The following RIMS1 variants were observed in gnomAD, a reference collection of about 807,000 sequenced individuals.
The protein encoded by RIMS1 is regulating synaptic membrane exocytosis 1.
Under a neutral mutation model 214.1 loss-of-function variants are expected in RIMS1, and 83 were observed. The ratio of observed to expected loss-of-function variants is 0.39; its 90% CI spans 0.32 to 0.47. The LOEUF (loss-of-function observed/expected upper bound fraction) is 0.47, where lower values mean the gene tolerates loss of function less well. RIMS1 is among the 20% of genes least tolerant of loss of function. The pLI, the probability that RIMS1 is intolerant of heterozygous loss-of-function variation, is 0.99. For synonymous variants in RIMS1, 793 were observed against 786.8 expected, an observed-to-expected ratio of 1.01 and a Z score of -0.13; for missense variants, 2,050 against 2,161.8, an observed-to-expected ratio of 0.95 and a Z score of 1.03.
chr6:72,156,719 G>T (rs1306925116), intron 4 of RIMS1, among the ~76,000 whole-genome samples: 1 of 140,184 alleles, frequency 7.1e-6, no homozygotes, highest in Non-Finnish European at 1.6e-5. Flanking sequence ...CAATGTTTAT[G>T]TATTAAAAAC....
chr6:72,236,889 A>C (rs2064339972), intron 8 of RIMS1, among the ~76,000 whole-genome samples: 1 of 151,914 alleles, frequency 6.6e-6, no homozygotes, highest in Admixed American at 6.6e-5. Context: ...AGCGGGTTGG[A>C]CAAGCTTGCT....
intron 26 of RIMS1, among the ~76,000 whole-genome samples, chr6:72,294,767 A>C (rs1023788492): frequency 5.3e-5 from 8 of 151,776 alleles, no homozygotes; most frequent in Admixed American, 5.3e-4. Context: ...AGGTGTTTTA[A>C]AGTTCATTTT....
intron 4 of RIMS1, among the ~76,000 whole-genome samples, chr6:72,167,804 T>G (rs2046465980): frequency 6.6e-6 from 1 of 152,080 alleles, no homozygotes; most frequent in Non-Finnish European, 1.5e-5. Flanking sequence ...TAATTATATT[T>G]TCTGTTATTT....
At chr6:72,154,202 T>G (rs1246850006) in intron 4 of RIMS1, among the ~76,000 whole-genome samples, 1 of 96,396 alleles carries the variant, frequency 1.0e-5, no homozygotes, top group Non-Finnish European at 2.7e-5. Flanking sequence ...AAAAGTTATG[T>G]GTTTTACAGA....
chr6:72,069,389 A>T (rs1280179467), intron 2 of RIMS1, among the ~76,000 whole-genome samples: 1 of 152,174 alleles, frequency 6.6e-6, no homozygotes, highest in Non-Finnish European at 1.5e-5. Context: ...TCTCTAATAG[A>T]AGTCTCTGGT....
intron 2 of RIMS1, among the ~76,000 whole-genome samples, chr6:72,004,368 C>A (rs1294294369): frequency 6.6e-6 from 1 of 152,022 alleles, no homozygotes; most frequent in Non-Finnish European, 1.5e-5. Context: ...GATTTATAGT[C>A]CTTTGGGTAT....
chr6:72,136,061 T>A lies in RIMS1; in HGVS notation c.471+36075T>A, dbSNP rs542737248. On this transcript the variant is annotated intron_variant, in intron 4 of 33. Coordinates refer to ENST00000521978, the MANE Select transcript of RIMS1 (RefSeq NM_014989.7). Reference sequence around the variant, plus strand: ...GATAAGAATGAGTTAGGAATTAAAATAGATTTGCAAAAATTATCTTTAAAA... The same window carrying A: ...GATAAGAATGAGTTAGGAATTAAAAAAGATTTGCAAAAATTATCTTTAAAA... Among the ~76,000 whole-genome samples, 320 of 152,284 alleles carry A rather than the reference T, an allele frequency of 2.1e-3. 3 individuals carry two copies. The highest frequency in any genetic ancestry group is 6.9e-3 in the African/African-American group (286 of 41,568).
At chr6:72,166,429 A>G (rs1412727864) in intron 4 of RIMS1, among the ~76,000 whole-genome samples, 1 of 152,120 alleles carries the variant, frequency 6.6e-6, no homozygotes, top group Admixed American at 6.5e-5. Context: ...TTAGAGCTTC[A>G]ACATACAAAT....
chr6:72,290,608 G>T, intron 24 of RIMS1, 71 bp from the exon 25 acceptor site: 1 of 1,375,692 alleles, frequency 7.3e-7, no homozygotes, highest in East Asian at 2.4e-5. Flanking sequence ...GTTTTCCTTG[G>T]ACAAATGTGT....
At chr6:71,923,776 C>T (rs973779488) in intron 1 of RIMS1, among the ~76,000 whole-genome samples, 1 of 151,984 alleles carries the variant, frequency 6.6e-6, no homozygotes, top group Non-Finnish European at 1.5e-5. Context: ...GTTGATCAGG[C>T]TGGTCTTGAA....
chr6:72,245,929 C>CA, intron 11 of RIMS1, 68 bp downstream of exon 11: 1 of 1,163,526 alleles, frequency 8.6e-7, no homozygotes, highest in Non-Finnish European at 1.3e-6. Flanking sequence ...TTCTAATTTT[C>CA]TTTAGTTATT....
intron 4 of RIMS1, 108 bp downstream of exon 4, chr6:72,100,094 A>T: frequency 1.2e-6 from 1 of 860,716 alleles, no homozygotes; most frequent in Non-Finnish European, 1.9e-6. Context: ...ACAAGAAATT[A>T]TATACTAGGA....
intron 1 of RIMS1, among the ~76,000 whole-genome samples, chr6:71,931,609 T>C (rs1783071309): frequency 6.6e-6 from 1 of 152,002 alleles, no homozygotes; most frequent in South Asian, 2.1e-4. Context: ...TTTTTTCTTG[T>C]AAATTTGTTT....
chr6:72,353,709 A>C (rs1032648431), intron 29 of RIMS1, among the ~76,000 whole-genome samples: 3 of 151,988 alleles, frequency 2.0e-5, no homozygotes, highest in Non-Finnish European at 2.9e-5. Flanking sequence ...CTTCTCTCTC[A>C]CCTCTGATAC....
rs528235325 is a variant in RIMS1 at position 72,046,306 on chromosome 6, G to A, written c.246-50643G>A. Among the ~76,000 whole-genome samples, 75 of 152,144 alleles carry A rather than the reference G, an allele frequency of 4.9e-4. 1 individual carries two copies. In the South Asian group the frequency reaches 0.014, roughly 28 times the overall value. ...TGTGTGTGTGGAAAGGGGTTGGGAG[G>A]GGAGTGAGATAGGGTAGAGATTTTA... is the stretch of plus-strand genomic sequence containing the variant. On this transcript the variant is annotated intron_variant, in intron 2 of 33. Coordinates refer to ENST00000521978, the MANE Select transcript of RIMS1 (RefSeq NM_014989.7).
chr6:72,359,287 T>G (rs1018335022), intron 29 of RIMS1, among the ~76,000 whole-genome samples: 1 of 152,192 alleles, frequency 6.6e-6, no homozygotes, highest in Non-Finnish European at 1.5e-5. Context: ...TCTTCAGACT[T>G]TCTTACCAAA....
intron 3 of RIMS1, 131 bp downstream of exon 3, chr6:72,097,293 C>T (rs2032063142): frequency 2.7e-6 from 2 of 739,174 alleles, no homozygotes; most frequent in Non-Finnish European, 4.5e-6. Flanking sequence ...GAACCTCCCT[C>T]ATTTTGTTCA....
At chr6:72,020,297 C>A (rs1368815628) in intron 2 of RIMS1, among the ~76,000 whole-genome samples, 1 of 152,164 alleles carries the variant, frequency 6.6e-6, no homozygotes, top group Non-Finnish European at 1.5e-5. Flanking sequence ...ATTGCAAAAT[C>A]CTTTTCAAAT....
chr6:72,365,278 A>G (rs2097955637), intron 29 of RIMS1, among the ~76,000 whole-genome samples: 1 of 152,184 alleles, frequency 6.6e-6, no homozygotes, highest in Non-Finnish European at 1.5e-5. Flanking sequence ...CAGGATTTTA[A>G]CACTGTTTAT....
Sources: gnomAD v4.1 joint callset for allele counts (sites outside exome capture counted in the v4.1 genomes callset) on GRCh38, gnomAD v4.1.1 for gene constraint, MANE v1.5 for transcripts, NCBI Gene and HGNC (gene_info 2026-07-23, HGNC 2026-07-21) for gene names.